Variants in SNX6 observed in about 807,000 individuals in gnomAD.
SNX6 encodes sorting nexin-6.
Under a neutral mutation model 63.0 loss-of-function variants are expected in SNX6, and 34 were observed. The ratio of observed to expected loss-of-function variants is 0.54; its 90% CI spans 0.41 to 0.72. The LOEUF is 0.72. Ranked by LOEUF, SNX6 falls within the 30% of genes least tolerant of loss-of-function variation. The pLI is 0.00. For synonymous variants in SNX6, 170 were observed against 164.2 expected, an observed-to-expected ratio of 1.04 and a Z score of -0.27; for missense variants, 398 against 471.4, an observed-to-expected ratio of 0.84 and a Z score of 1.44.
At chr14:34,621,951 CTTTTTTTTTTT>C (rs1037764907) in intron 2 of SNX6, among the ~76,000 whole-genome samples, 2 of 77,408 alleles carry the variant, frequency 2.6e-5, no homozygotes, top group African/African-American at 5.8e-5. Context: ...CATGTCTTTC[CTTTTTTTTTTT>C]TTTTTTTTTT....
chr14:34,607,238 G>A (rs367721454), intron 4 of SNX6, among the ~76,000 whole-genome samples: 5 of 152,234 alleles, frequency 3.3e-5, no homozygotes, highest in East Asian at 1.9e-4. Context: ...AGGTGGTAAC[G>A]AAACATGTTT....
intron 11 of SNX6, among the ~76,000 whole-genome samples, chr14:34,570,725 CT>C (rs35102326): frequency 0.025 from 2,818 of 114,242 alleles, 83 homozygotes; most frequent in African/African-American, 0.07. Flanking sequence ...CTGGCCTTCT[CT>C]TTTTTTTTTT....
intron 10 of SNX6, among the ~76,000 whole-genome samples, chr14:34,579,398 A>C (rs1339915595): frequency 6.6e-6 from 1 of 152,100 alleles, no homozygotes; most frequent in Non-Finnish European, 1.5e-5. Flanking sequence ...AGGAATATCA[A>C]AAGAGGCCAG....
intron 13 of SNX6, among the ~76,000 whole-genome samples, chr14:34,563,537 C>T (rs1309864588): frequency 7.2e-6 from 1 of 138,036 alleles, no homozygotes; most frequent in East Asian, 2.1e-4. Flanking sequence ...CCACCCTGGG[C>T]GAAAGAGTGA....
At chr14:34,573,027 G>A (rs996199839) in intron 11 of SNX6, among the ~76,000 whole-genome samples, 8 of 152,122 alleles carry the variant, frequency 5.3e-5, no homozygotes, top group Middle Eastern at 3.4e-3. Flanking sequence ...TGTTGTCCAG[G>A]CAACAGTATA....
At chr14:34,609,767 C>T in intron 2 of SNX6, 25 bp from the exon 3 acceptor site, 2 of 1,403,770 alleles carry the variant, frequency 1.4e-6, no homozygotes, top group Non-Finnish European at 2.0e-6. Context: ...CCAGTATCTT[C>T]ATGAAAATCA....
intron 9 of SNX6, 116 bp from the exon 10 acceptor site, chr14:34,581,716 TC>T (rs1158882260): frequency 2.7e-5 from 15 of 556,100 alleles, no homozygotes; most frequent in African/African-American, 2.4e-4. Flanking sequence ...GCAGTTATAT[TC>T]AATAGCCTTA....
At chr14:34,570,092 G>A (rs577959719) in intron 11 of SNX6, among the ~76,000 whole-genome samples, 9 of 151,698 alleles carry the variant, frequency 5.9e-5, no homozygotes, top group Middle Eastern at 3.4e-3. Context: ...TTTGGAGATG[G>A]AGTTTCGCTG....
chr14:34,600,113 C>A (rs1351289864), intron 6 of SNX6, among the ~76,000 whole-genome samples: 1 of 152,092 alleles, frequency 6.6e-6, no homozygotes, highest in African/African-American at 2.4e-5. Context: ...CTCATTCTTA[C>A]TCAAAAATTT....
At chr14:34,627,164 T>C (rs1883858909) in intron 2 of SNX6, among the ~76,000 whole-genome samples, 1 of 152,106 alleles carries the variant, frequency 6.6e-6, no homozygotes, top group Non-Finnish European at 1.5e-5. Flanking sequence ...AAAAAATTGT[T>C]GGCCAGGCGC....
chr14:34,569,236 G>A (rs1205771220), intron 11 of SNX6: 1 of 561,846 alleles, frequency 1.8e-6, no homozygotes, highest in Admixed American at 2.9e-5. Flanking sequence ...TTTAAAATAT[G>A]TAATTCAATG....
chr14:34,565,820 G>A (rs1234066136), intron 13 of SNX6, among the ~76,000 whole-genome samples: 1 of 152,136 alleles, frequency 6.6e-6, no homozygotes, highest in African/African-American at 2.4e-5. Context: ...CTCCTGAGTA[G>A]CTGGGACCAC....
chr14:34,573,863 G>A (rs956068744), intron 11 of SNX6, among the ~76,000 whole-genome samples: 3 of 151,640 alleles, frequency 2.0e-5, no homozygotes, highest in East Asian at 2.0e-4. Flanking sequence ...GGCTGCTCTC[G>A]AACTGCTGAC....
chr14:34,581,818 T>C (rs1881946901), intron 9 of SNX6, among the ~76,000 whole-genome samples: 1 of 152,018 alleles, frequency 6.6e-6, no homozygotes. Context: ...AGATAGACTA[T>C]CTGTTCATTT....
rs139549439 is a variant in SNX6, at chr14:34,596,171, C to T, written c.612+1379G>A. 3.2e-3 allele frequency among the ~76,000 whole-genome samples: 475 copies of T among 150,660 alleles called. 2 individuals carry two copies. Among genetic ancestry groups the T allele is most frequent in the African/African-American group, 0.011 (463 of 40,998 alleles). On this transcript the variant is annotated intron_variant, in intron 7 of 13. Transcript: ENST00000362031. ...GGCGGAGTTTGCAGTAGCCCAAGAT[C>T]GCGCCACCGCACTCCAGCCTGGGCG...
At chr14:34,627,535 G>A (rs1325182050) in intron 2 of SNX6, among the ~76,000 whole-genome samples, 1 of 150,286 alleles carries the variant, frequency 6.7e-6, no homozygotes, top group Non-Finnish European at 1.5e-5. Context: ...GGAGTGCAAT[G>A]GTGCAATCTC....
chr14:34,582,740 G>A (rs1210430081), intron 9 of SNX6, among the ~76,000 whole-genome samples: 13 of 151,224 alleles, frequency 8.6e-5, no homozygotes, highest in African/African-American at 1.5e-4. Flanking sequence ...ATGGGGTTTC[G>A]CCATGTTGGC....
intron 6 of SNX6, among the ~76,000 whole-genome samples, chr14:34,597,957 A>C (rs1246658899): frequency 6.6e-6 from 1 of 152,290 alleles, no homozygotes; most frequent in East Asian, 1.9e-4. Context: ...TATTTTGTCA[A>C]ACACTGCTAT....
At chr14:34,584,955 C>T (rs1018391507) in intron 9 of SNX6, among the ~76,000 whole-genome samples, 2 of 151,862 alleles carry the variant, frequency 1.3e-5, no homozygotes, top group Admixed American at 6.6e-5. Flanking sequence ...TGGGTTTAAG[C>T]GATTCTCCTG....
Sources: allele counts gnomAD v4.1 joint callset (sites outside exome capture counted in the v4.1 genomes callset), GRCh38; gene constraint gnomAD v4.1.1; transcripts MANE v1.5; gene names NCBI Gene and HGNC (gene_info 2026-07-23, HGNC 2026-07-21).